The following ADAT1 variants were observed in gnomAD, a reference collection of about 807,000 sequenced individuals.
The protein encoded by ADAT1 is tRNA-specific adenosine deaminase 1.
A neutral mutation model predicts 58.6 loss-of-function variants in ADAT1; 58 were observed. That is an observed-to-expected ratio of 0.99 (90% CI 0.80 to 1.23). ADAT1 has a LOEUF of 1.23. Among genes scored for constraint, ADAT1 ranks in the 50% most tolerant of loss-of-function variants. The pLI is 0.00. For missense variants in ADAT1, 741 were observed against 608.6 expected, an observed-to-expected ratio of 1.22 and a Z score of -2.29; for synonymous variants, 254 against 220.8, an observed-to-expected ratio of 1.15 and a Z score of -1.33.
Position 75,597,044 on chromosome 16 carries a change from C to G in ADAT1, c.*3172G>C, listed in dbSNP as rs74738315. The stretch of plus-strand genomic sequence containing the variant: ...ATCCAAACAGACAGAAAGTAGATTA[C>G]TGATTGCCCTGGGGTAGGGGGCGTT... On this transcript the variant is annotated 3_prime_UTR_variant, in exon 10 of 10. Transcript: ENST00000564657. 5,559 of 154,472 alleles carry G rather than the reference C, an allele frequency of 0.036. 163 individuals carry two copies. Among genetic ancestry groups the G allele is most frequent in the African/African-American group, 0.08 (3,308 of 41,534 alleles). 9.6% of individuals were successfully genotyped at this position (154,472 alleles called of 1,614,324 possible). A position where few individuals can be genotyped will look rare whatever the true frequency, so the allele number is the denominator to read the frequency against.
rs189672628 is a variant in ADAT1 at position 75,598,707 on chromosome 16, C to T, written c.*1509G>A. On this transcript the variant is annotated 3_prime_UTR_variant, in exon 10 of 10. Coordinates refer to ENST00000564657, the MANE Select transcript of ADAT1 (RefSeq NM_001324445.2). Reference sequence around the variant, plus strand: ...CTAATTTTTGTATTTTTAGCAGAGACGGGGTTTCATCATGTTGGCCAGACT... The same window carrying T: ...CTAATTTTTGTATTTTTAGCAGAGATGGGGTTTCATCATGTTGGCCAGACT... 4.0e-5 allele frequency among the ~76,000 whole-genome samples: 6 copies of T among 151,028 alleles called. No homozygotes were observed. Among genetic ancestry groups the T allele is most frequent in the East Asian group, 2.0e-4 (1 of 5,062 alleles).
intron 5 of ADAT1, among the ~76,000 whole-genome samples, chr16:75,616,326 T>C (rs76209676): frequency 0.065 from 9,915 of 152,212 alleles, 374 homozygotes; most frequent in Non-Finnish European, 0.087. Context: ...TCTTAAGCTG[T>C]ATCTATATTT....
chr16:75,599,537 G>T lies in ADAT1; in HGVS notation c.*679C>A. The T allele has an allele frequency of 3.0e-6, 3 of 985,804 alleles. No individual in the cohort carries two copies. The highest frequency in any genetic ancestry group is 3.6e-6 in the Non-Finnish European group (3 of 829,960). 61.1% of individuals were successfully genotyped at this position (985,804 alleles called of 1,614,324 possible). ...GATTCTCTTGGCTGTTTCCTTTGTTGCCTTCATTCTTTGCTGGCTTTCTCT... is the reference window on the plus strand; with the variant it reads ...GATTCTCTTGGCTGTTTCCTTTGTTTCCTTCATTCTTTGCTGGCTTTCTCT... On this transcript the variant is annotated 3_prime_UTR_variant, in exon 10 of 10. Transcript: ENST00000564657.
chr16:75,617,195 A>G lies in ADAT1; in HGVS notation c.371T>C (p.Val124Ala). Residue 124 changes from valine to alanine, a missense_variant, in exon 5 of 10, where the codon GTG (valine) becomes GCG (alanine). By Grantham distance (64) the Val-to-Ala change is moderately conservative. Coordinates refer to ENST00000564657, the MANE Select transcript of ADAT1 (RefSeq NM_001324445.2). ...SIFVPGTQKG[V>A]WKLRRDLIFV... The stretch of plus-strand genomic sequence containing the variant: ...AATGAGGTCTCGTCTAAGTTTCCAC[A>G]CTCCTTTTTGAGTTCCTGGGACAAA... 1 of 1,613,674 alleles carries G rather than the reference A, an allele frequency of 6.2e-7. No homozygotes were observed. Among genetic ancestry groups the G allele is most frequent in the South Asian group, 1.1e-5 (1 of 91,040 alleles).
chr16:75,604,432 C>CAAAAAAAAAA (rs869079388), intron 8 of ADAT1, among the ~76,000 whole-genome samples: 2 of 7,942 alleles, frequency 2.5e-4, no homozygotes, highest in African/African-American at 8.1e-4. Context: ...GATTCTGTCT[C>CAAAAAAAAAA]AAAAAAAAAA....
chr16:75,607,531 T>C (rs1359875015), intron 8 of ADAT1, among the ~76,000 whole-genome samples: 1 of 149,678 alleles, frequency 6.7e-6, no homozygotes, highest in Non-Finnish European at 1.5e-5. Flanking sequence ...TGTAATGAGA[T>C]ACCATTTCAT....
intron 6 of ADAT1, 127 bp downstream of exon 6, chr16:75,612,116 T>G: frequency 2.6e-6 from 3 of 1,135,526 alleles, no homozygotes; most frequent in Non-Finnish European, 3.7e-6. Context: ...AATTATTTCC[T>G]TAAGACAAAT....
intron 6 of ADAT1, among the ~76,000 whole-genome samples, chr16:75,611,250 C>T (rs2081523165): frequency 6.6e-6 from 1 of 152,072 alleles, no homozygotes; most frequent in Non-Finnish European, 1.5e-5. Flanking sequence ...TAATACAACT[C>T]AGAGATTATT....
chr16:75,599,990 G>T lies in ADAT1; in HGVS notation c.*226C>A. On this transcript the variant is annotated 3_prime_UTR_variant, in exon 10 of 10. Transcript: ENST00000564657. The stretch of plus-strand genomic sequence containing the variant: ...TTTAGAGAAGCAATAAAACACAATG[G>T]AAGTCAGATAGTGAGGTCATTAGTG... 1 of 1,283,208 alleles carries T rather than the reference G, an allele frequency of 7.8e-7. No homozygotes were observed. Among genetic ancestry groups the T allele is most frequent in the East Asian group, 3.1e-5 (1 of 32,164 alleles). The allele number at this position is 1,283,208 out of a possible 1,614,324, so 79.5% of individuals were successfully genotyped here. A position where few individuals can be genotyped will look rare whatever the true frequency, so the allele number is the denominator to read the frequency against.
At position 75,610,134 on chromosome 16, in the gene ADAT1, G is replaced by A. The variant is rs571642752; in HGVS notation, c.1044-1146C>T. The stretch of plus-strand genomic sequence containing the variant: ...TTCAAGTTCATCCATGCTGCAGCAT[G>A]TAATAGTACTTCAGTCGTTTTTATA... On this transcript the variant is annotated intron_variant, in intron 6 of 9. Transcript: ENST00000564657. 2.3e-4 allele frequency among the ~76,000 whole-genome samples: 35 copies of A among 152,326 alleles called. No homozygotes were observed. In the South Asian group the frequency reaches 5.6e-3, roughly 24 times the overall value.
Position 75,608,477 on chromosome 16 carries a change from G to C in ADAT1, c.1190-154C>G, listed in dbSNP as rs932937266. The C allele has an allele frequency of 7.8e-6, 5 of 639,134 alleles. No individual in the cohort carries two copies. The African/African-American group carries it at 9.2e-5, about 12-fold the overall frequency. The allele number at this position is 639,134 out of a possible 1,614,324, so 39.6% of individuals were successfully genotyped here. A position where few individuals can be genotyped will look rare whatever the true frequency, so the allele number is the denominator to read the frequency against. On this transcript the variant is annotated intron_variant, in intron 7 of 9. Transcript: ENST00000564657. ...TGCTATTGGATGCTTGGCCTCCAGG[G>C]TACAGTAGTCTAAGTGGTTCATAAT...
rs114256262 is a variant in ADAT1 at position 75,603,068 on chromosome 16, T to C, written c.1376+17A>G. The C allele has an allele frequency of 3.5e-4, 562 of 1,609,516 alleles. No homozygotes were observed. In the African/African-American group the frequency reaches 6.6e-3, roughly 19 times the overall value. On this transcript the variant is annotated intron_variant, in intron 9 of 9. Coordinates refer to ENST00000564657, the MANE Select transcript of ADAT1 (RefSeq NM_001324445.2). ...TTGTCTACCTAAATATGAGAAAACA[T>C]AGGTCAACAGCATCACCTGAGGGAG...
Position 75,612,648 on chromosome 16 carries a change from G to C in ADAT1, c.638C>G (p.Ala213Gly). The C allele has an allele frequency of 6.2e-7, 1 of 1,614,110 alleles. No homozygotes were observed. The highest frequency in any genetic ancestry group is 8.5e-7 in the Non-Finnish European group (1 of 1,180,032). Residue 213 changes from alanine (A) to glycine (G), a missense_variant, in exon 6 of 10, where the codon GCT (alanine) becomes GGT (glycine). By Grantham distance (60) the Ala-to-Gly change is moderately conservative. Transcript: ENST00000564657. ...CTGCTTGCCAAAACTCTGATGGTGA[G>C]CTGCTCCGTTGGTGACCTCCCTGGC... The part of the protein sequence containing the change: ...TAAREVTNGA[A>G]HHQSFGKQKS...
At chr16:75,600,457 A>G in intron 9 of ADAT1, 109 bp from the exon 10 acceptor site, 3 of 1,490,854 alleles carry the variant, frequency 2.0e-6, no homozygotes, top group Non-Finnish European at 2.7e-6. Context: ...AGACTTAGGT[A>G]GAGAAGGAGT....
At chr16:75,610,960 A>G (rs945488091) in intron 6 of ADAT1, among the ~76,000 whole-genome samples, 3 of 152,176 alleles carry the variant, frequency 2.0e-5, no homozygotes, top group Admixed American at 6.5e-5. Context: ...AAAAAAATTT[A>G]AAAATCAGCC....
intron 7 of ADAT1, 55 bp from the exon 8 acceptor site, chr16:75,608,378 G>T: frequency 7.1e-7 from 1 of 1,415,234 alleles, no homozygotes; most frequent in Non-Finnish European, 1.0e-6. Flanking sequence ...GTGAAAGTCA[G>T]AAGTATTTTA....
Position 75,612,871 on chromosome 16 carries a change from A to G in ADAT1, c.425-10T>C, listed in dbSNP as rs552385470. On this transcript the variant is annotated splice_polypyrimidine_tract_variant and intron_variant, in intron 5 of 9. Transcript: ENST00000564657. Reference sequence around the variant, plus strand: ...ATGGAGGCATCCCCACCTGCAGAGAATGAACCCACTTAAACAAATGGTTCT... The same window carrying G: ...ATGGAGGCATCCCCACCTGCAGAGAGTGAACCCACTTAAACAAATGGTTCT... The G allele has an allele frequency of 9.3e-6, 15 of 1,610,434 alleles. No homozygotes were observed. The highest frequency in any genetic ancestry group is 1.2e-5 in the Non-Finnish European group (14 of 1,178,408).
intron 9 of ADAT1, among the ~76,000 whole-genome samples, chr16:75,601,495 G>A (rs530531970): frequency 3.9e-5 from 6 of 151,944 alleles, no homozygotes; most frequent in East Asian, 2.0e-4. Flanking sequence ...GGTGGCTCAC[G>A]CCTGTAATCC....
At position 75,599,739 on chromosome 16, in the gene ADAT1, C is replaced by T; in HGVS notation, c.*477G>A. The T allele has an allele frequency of 1.0e-6, 1 of 989,304 alleles. No homozygotes were observed. The highest frequency in any genetic ancestry group is 1.2e-6 in the Non-Finnish European group (1 of 832,332). The allele number at this position is 989,304 out of a possible 1,614,324, so 61.3% of individuals were successfully genotyped here. On this transcript the variant is annotated 3_prime_UTR_variant, in exon 10 of 10. Coordinates refer to ENST00000564657, the MANE Select transcript of ADAT1 (RefSeq NM_001324445.2). ...AGGTTAGCTTCAGCCAAGTCTGAGG[C>T]ACAGAGCAGGATCACTGAAGAATGG...
Sources: allele counts gnomAD v4.1 joint callset (sites outside exome capture counted in the v4.1 genomes callset), GRCh38; gene constraint gnomAD v4.1.1; transcripts MANE v1.5; gene names NCBI Gene and HGNC (gene_info 2026-07-23, HGNC 2026-07-21).